WWC1: variants seen among roughly 807,000 people sequenced by gnomAD.
WWC1 encodes WW and C2 domain containing 1, also known as protein KIBRA.
A neutral mutation model predicts 138.4 loss-of-function variants in WWC1; 55 were observed. The ratio of observed to expected loss-of-function variants is 0.40; its 90% CI spans 0.32 to 0.50. WWC1 has a LOEUF of 0.50. WWC1 is among the 20% of genes least tolerant of loss of function. The pLI is 0.72. For missense variants in WWC1, 1,226 were observed against 1,420.4 expected, an observed-to-expected ratio of 0.86 and a Z score of 2.20; for synonymous variants, 524 against 564.9, an observed-to-expected ratio of 0.93 and a Z score of 1.03.
intron 5 of WWC1, among the ~76,000 whole-genome samples, chr5:168,403,212 C>G (rs1475994551): frequency 1.3e-5 from 2 of 152,042 alleles, no homozygotes; most frequent in African/African-American, 4.8e-5. Flanking sequence ...ATTCTCCTGC[C>G]TCAGCCTCCT....
chr5:168,388,122 A>G (rs1778183716), intron 3 of WWC1, among the ~76,000 whole-genome samples: 3 of 152,216 alleles, frequency 2.0e-5, no homozygotes, highest in Admixed American at 1.3e-4. Flanking sequence ...ACGTAGTGGT[A>G]AAATTAGCAT....
Position 168,444,424 on chromosome 5 carries a change from G to A in WWC1, c.2434-70G>A, listed in dbSNP as rs982903434. 8 of 1,454,310 alleles carry A rather than the reference G, an allele frequency of 5.5e-6. No homozygotes were observed. The Admixed American group carries it at 6.0e-5, about 11-fold the overall frequency. 90.1% of individuals were successfully genotyped at this position (1,454,310 alleles called of 1,614,324 possible). On this transcript the variant is annotated intron_variant, in intron 16 of 22. Transcript: ENST00000265293. ...ACTGGGAGGGTCACAGCTCTGAGATGCTCTGATTCCTGGCAGGTAGGGTGG... is the reference window on the plus strand; with the variant it reads ...ACTGGGAGGGTCACAGCTCTGAGATACTCTGATTCCTGGCAGGTAGGGTGG...
At chr5:168,426,224 T>C (rs905499718) in intron 11 of WWC1, among the ~76,000 whole-genome samples, 1 of 152,144 alleles carries the variant, frequency 6.6e-6, no homozygotes, top group African/African-American at 2.4e-5. Context: ...GCTCTCAAAA[T>C]AAAAGCAAGC....
rs952757444 is a variant in WWC1, at chr5:168,300,244, C to T, written c.119+7973C>T. ...CAGTGACATTTTGTTATTAGACCTT[C>T]CCCAGCAGGCCATTTAGCCTTTAGT... On this transcript the variant is annotated intron_variant, in intron 1 of 22. Coordinates refer to ENST00000265293, the MANE Select transcript of WWC1 (RefSeq NM_015238.3). Among the ~76,000 whole-genome samples the T allele has an allele frequency of 3.3e-5, 5 of 152,194 alleles. No homozygotes were observed. The East Asian group carries it at 7.7e-4, about 23-fold the overall frequency.
At chr5:168,458,447 G>T (rs1208691357) in intron 19 of WWC1, among the ~76,000 whole-genome samples, 2 of 152,136 alleles carry the variant, frequency 1.3e-5, no homozygotes, top group Non-Finnish European at 2.9e-5. Flanking sequence ...TCTGCTGGGT[G>T]CCTCCCTTGT....
chr5:168,444,726 G>A, intron 17 of WWC1, 141 bp downstream of exon 17: 2 of 804,774 alleles, frequency 2.5e-6, no homozygotes, highest in East Asian at 5.0e-5. Context: ...GTTCTCTACA[G>A]GCAAAAAGGC....
chr5:168,427,241 G>T (rs1781571711), intron 11 of WWC1, among the ~76,000 whole-genome samples: 1 of 152,174 alleles, frequency 6.6e-6, no homozygotes, highest in Non-Finnish European at 1.5e-5. Flanking sequence ...GAACAGTAGT[G>T]GCAATAAGGA....
intron 15 of WWC1, among the ~76,000 whole-genome samples, chr5:168,432,186 A>G (rs1782004403): frequency 1.3e-5 from 2 of 152,258 alleles, no homozygotes; most frequent in South Asian, 2.1e-4. Flanking sequence ...TCTTATCCCT[A>G]AAATGCAAAT....
intron 21 of WWC1, among the ~76,000 whole-genome samples, chr5:168,466,204 G>A (rs571697765): frequency 2.3e-4 from 35 of 152,138 alleles, no homozygotes; most frequent in Admixed American, 4.6e-4. Flanking sequence ...AACTGGAAGG[G>A]TAAAAATTTG....
intron 2 of WWC1, among the ~76,000 whole-genome samples, chr5:168,375,722 C>A (rs1045841464): frequency 2.0e-5 from 3 of 151,610 alleles, no homozygotes; most frequent in African/African-American, 7.3e-5. Flanking sequence ...TTGCAGGTGC[C>A]CGCCACCACG....
In WWC1 at chr5:168,298,035, T is replaced by A. The variant is rs183444815; in HGVS notation, c.119+5764T>A. Among the ~76,000 whole-genome samples the A allele has an allele frequency of 1.5e-3, 233 of 152,204 alleles. 1 individual carries two copies. The Middle Eastern group carries it at 0.017, about 11-fold the overall frequency. The stretch of plus-strand genomic sequence containing the variant: ...ATGTCATATTCCAACAAGCTTTGTT[T>A]TATTTTATTTTATTTTATTTTGAGA... On this transcript the variant is annotated intron_variant, in intron 1 of 22. Coordinates refer to ENST00000265293, the MANE Select transcript of WWC1 (RefSeq NM_015238.3).
intron 7 of WWC1, among the ~76,000 whole-genome samples, chr5:168,409,002 A>AT (rs1186510915): frequency 6.6e-6 from 1 of 150,958 alleles, no homozygotes; most frequent in African/African-American, 2.4e-5. Context: ...TTCCATTTTC[A>AT]TTTTTCTTTC....
intron 15 of WWC1, among the ~76,000 whole-genome samples, chr5:168,431,777 A>C (rs972734113): frequency 1.3e-5 from 2 of 152,182 alleles, no homozygotes; most frequent in Non-Finnish European, 2.9e-5. Context: ...ATTAGATAAG[A>C]AGCACAGACT....
intron 5 of WWC1, among the ~76,000 whole-genome samples, chr5:168,403,087 CT>C (rs1779505315): frequency 8.7e-5 from 8 of 92,158 alleles, no homozygotes; most frequent in South Asian, 6.6e-4. Context: ...TCTTTTCTTT[CT>C]TTTCTTTCTT....
At chr5:168,364,853 G>A (rs1239464575) in intron 1 of WWC1, among the ~76,000 whole-genome samples, 5 of 152,176 alleles carry the variant, frequency 3.3e-5, no homozygotes, top group African/African-American at 1.2e-4. Context: ...CTCTTGATTT[G>A]CTTCTGGCTG....
At chr5:168,460,217 T>TG (rs1756687272) in intron 19 of WWC1, among the ~76,000 whole-genome samples, 1 of 152,174 alleles carries the variant, frequency 6.6e-6, no homozygotes, top group African/African-American at 2.4e-5. Flanking sequence ...TTGATGCAAA[T>TG]GGCCCTTTGT....
chr5:168,470,012 A>G lies in WWC1; in HGVS notation c.*995A>G, dbSNP rs892239162. 1 of 152,120 alleles carries G rather than the reference A, an allele frequency of 6.6e-6. No individual in the cohort carries two copies. The highest frequency in any genetic ancestry group is 1.5e-5 in the Non-Finnish European group (1 of 68,054). 9.4% of individuals were successfully genotyped at this position (152,120 alleles called of 1,614,324 possible). A position where few individuals can be genotyped will look rare whatever the true frequency, so the allele number is the denominator to read the frequency against. Reference sequence around the variant, plus strand: ...CCTTCTATGGAATTCCACCCCACCCAGAGAGAGATGACTTCACAGTTTGTT... The same window carrying G: ...CCTTCTATGGAATTCCACCCCACCCGGAGAGAGATGACTTCACAGTTTGTT... On this transcript the variant is annotated 3_prime_UTR_variant, in exon 23 of 23. Coordinates refer to ENST00000265293, the MANE Select transcript of WWC1 (RefSeq NM_015238.3).
intron 5 of WWC1, among the ~76,000 whole-genome samples, chr5:168,403,074 C>CTTTCTTTTCT (rs1554104772): frequency 8.8e-6 from 1 of 113,432 alleles, no homozygotes; most frequent in East Asian, 2.4e-4. Flanking sequence ...TTCTTTCTTT[C>CTTTCTTTTCT]TTTCTTTTCT....
chr5:168,465,421 G>T lies in WWC1; in HGVS notation c.3150+459G>T, dbSNP rs539871329. ...ACCAGGGCCTTCTGCTAACAAGGAT[G>T]CCCTGGAGTACAAGTCGGCTGGCAC... On this transcript the variant is annotated intron_variant, in intron 21 of 22. Coordinates refer to ENST00000265293, the MANE Select transcript of WWC1 (RefSeq NM_015238.3). Among the ~76,000 whole-genome samples, 98 of 151,926 alleles carry T rather than the reference G, an allele frequency of 6.5e-4. 1 individual carries two copies. The highest frequency in any genetic ancestry group is 2.1e-4 in the South Asian group (1 of 4,814).
Sources: gnomAD v4.1 joint callset for allele counts (sites outside exome capture counted in the v4.1 genomes callset) on GRCh38, gnomAD v4.1.1 for gene constraint, MANE v1.5 for transcripts, NCBI Gene and HGNC (gene_info 2026-07-23, HGNC 2026-07-21) for gene names.